The following SLC25A4 variants were observed in gnomAD, a reference collection of about 807,000 sequenced individuals.
SLC25A4 encodes the protein solute carrier family 25 member 4.
Under a neutral mutation model 24.7 loss-of-function variants are expected in SLC25A4, and 10 were observed. That is an observed-to-expected ratio of 0.41 (90% CI 0.25 to 0.69). SLC25A4 has a LOEUF of 0.69. Among genes scored for constraint, SLC25A4 ranks in the 30% least tolerant of loss-of-function variants. The pLI, the probability that SLC25A4 is intolerant of heterozygous loss-of-function variation, is 0.35. For missense variants in SLC25A4, 273 were observed against 387.6 expected, an observed-to-expected ratio of 0.70 and a Z score of 2.48; for synonymous variants, 125 against 153.3, an observed-to-expected ratio of 0.82 and a Z score of 1.36.
chr4:185,143,506 G>A, intron 1 of SLC25A4, 23 bp downstream of exon 1: 3 of 1,122,862 alleles, frequency 2.7e-6, no homozygotes, highest in Non-Finnish European at 3.4e-6. Context: ...CGGTGCAAGA[G>A]GCGGGCGCGG....
Position 185,144,980 on chromosome 4 carries a change from T to C in SLC25A4, c.328T>C (p.Trp110Arg). Residue 110 changes from tryptophan (W) to arginine (R), a missense_variant, in exon 2 of 4, where the codon TGG (tryptophan) becomes CGG (arginine). By Grantham distance (101) the Trp-to-Arg change is moderately radical. Transcript: ENST00000281456. Reference protein sequence around the residue: ...LGGVDRHKQFWRYFAGNLASG... With the variant: ...LGGVDRHKQFRRYFAGNLASG... ...GGGTGTGGATCGGCATAAGCAGTTC[T>C]GGCGCTACTTTGCTGGTAACCTGGC... is the stretch of plus-strand genomic sequence containing the variant. 1 of 1,612,804 alleles carries C rather than the reference T, an allele frequency of 6.2e-7. No homozygotes were observed. Among genetic ancestry groups the C allele is most frequent in the Non-Finnish European group, 8.5e-7 (1 of 1,179,538 alleles).
At chr4:185,146,125 T>C (rs1734438412) in intron 3 of SLC25A4, among the ~76,000 whole-genome samples, 1 of 152,088 alleles carries the variant, frequency 6.6e-6, no homozygotes, top group African/African-American at 2.4e-5. Context: ...AGTAAGACAT[T>C]TAGATGTGAA....
rs1212852810 is a variant in SLC25A4, at chr4:185,143,315, G to A, written c.-58G>A. 4 of 1,051,980 alleles carry A rather than the reference G, an allele frequency of 3.8e-6. No homozygotes were observed. Among genetic ancestry groups the A allele is most frequent in the Non-Finnish European group, 4.2e-6 (3 of 711,476 alleles). The allele number at this position is 1,051,980 out of a possible 1,614,324, so 65.2% of individuals were successfully genotyped here. On this transcript the variant is annotated 5_prime_UTR_variant, in exon 1 of 4. Transcript: ENST00000281456. ...GGGGACTGCGCGGCGGTGCCAGGCC[G>A]GGCGTGGGCGAGAGCACGAACGGGC...
chr4:185,146,022 GAAGA>G, intron 3 of SLC25A4, 123 bp downstream of exon 3: 1 of 1,176,110 alleles, frequency 8.5e-7, no homozygotes, highest in Non-Finnish European at 1.2e-6. Context: ...AGGACTTAGG[GAAGA>G]AAGATGGTAT....
rs147626367 is a variant in SLC25A4, at chr4:185,150,085, C to A, written c.*3114C>A. On this transcript the variant is annotated 3_prime_UTR_variant, in exon 4 of 4. Transcript: ENST00000281456. Reference sequence around the variant, plus strand: ...CCAAGGTGCAAGGCTGCAAGAGAATCGAGCGCCGCAAGGCGAGCTTATCTT... The same window carrying A: ...CCAAGGTGCAAGGCTGCAAGAGAATAGAGCGCCGCAAGGCGAGCTTATCTT... The A allele has an allele frequency of 0.02, 3,071 of 152,384 alleles. 52 individuals are homozygous for A. Among genetic ancestry groups the A allele is most frequent in the Non-Finnish European group, 0.029 (1,986 of 68,046 alleles). 9.4% of individuals were successfully genotyped at this position (152,384 alleles called of 1,614,324 possible). A position where few individuals can be genotyped will look rare whatever the true frequency, so the allele number is the denominator to read the frequency against.
At position 185,144,807 on chromosome 4, in the gene SLC25A4, A is replaced by G. The variant is rs1406233831; in HGVS notation, c.155A>G (p.Lys52Arg). Residue 52 changes from lysine to arginine, a missense_variant, in exon 2 of 4, where the codon AAA (lysine) becomes AGA (arginine). Transcript: ENST00000281456. ...CAGATCAGTGCTGAGAAGCAGTACA[A>G]AGGGATCATTGATTGTGTGGTGAGA... ...SKQISAEKQY[K>R]GIIDCVVRIP... is the part of the protein sequence containing the mutation. The G allele has an allele frequency of 1.4e-5, 22 of 1,614,014 alleles. No homozygotes were observed. Among genetic ancestry groups the G allele is most frequent in the Non-Finnish European group, 1.9e-5 (22 of 1,180,028 alleles).
rs1311347129 is a variant in SLC25A4 at position 185,149,656 on chromosome 4, A to G, written c.*2685A>G. ...TCATGCTGGAAGGTCTGGTTTACGT[A>G]AAAGTGACAAGTTGGAATTGAGCGT... On this transcript the variant is annotated 3_prime_UTR_variant, in exon 4 of 4. Transcript: ENST00000281456. 1 of 152,228 alleles carries G rather than the reference A, an allele frequency of 6.6e-6. No homozygotes were observed. The highest frequency in any genetic ancestry group is 2.4e-5 in the African/African-American group (1 of 41,442). The allele number at this position is 152,228 out of a possible 1,614,324, so 9.4% of individuals were successfully genotyped here.
chr4:185,144,872 A>G lies in SLC25A4; in HGVS notation c.220A>G (p.Asn74Asp). 2 of 1,614,200 alleles carry G rather than the reference A, an allele frequency of 1.2e-6. No individual in the cohort carries two copies. Among genetic ancestry groups the G allele is most frequent in the Non-Finnish European group, 1.7e-6 (2 of 1,180,036 alleles). ...GGGCTTCCTCTCCTTCTGGAGGGGT[A>G]ACCTGGCCAACGTGATCCGTTACTT... ...EQGFLSFWRG[N>D]LANVIRYFPT... Residue 74 changes from asparagine (N) to aspartate (D), a missense_variant, in exon 2 of 4, where the codon AAC becomes GAC. Coordinates refer to ENST00000281456, the MANE Select transcript of SLC25A4 (RefSeq NM_001151.4).
chr4:185,146,902 C>T lies in SLC25A4; in HGVS notation c.828C>T (p.Ser276=), dbSNP rs764941953. Residue 276 remains serine, a synonymous_variant, in exon 4 of 4, where the codon TCC becomes TCT. Transcript: ENST00000281456. ...AGGCCTTCTTCAAAGGTGCCTGGTC[C>T]AATGTGCTGAGAGGCATGGGCGGTG... is the stretch of plus-strand genomic sequence containing the variant. ...GAKAFFKGAW[S]NVLRGMGGAF... 2 of 1,614,070 alleles carry T rather than the reference C, an allele frequency of 1.2e-6. No individual in the cohort carries two copies. The highest frequency in any genetic ancestry group is 1.7e-6 in the Non-Finnish European group (2 of 1,180,012).
chr4:185,143,616 CCCGCCCGCCCG>C (rs1438942487), intron 1 of SLC25A4, 133 bp downstream of exon 1: 1 of 47,022 alleles, frequency 2.1e-5, no homozygotes, highest in East Asian at 2.0e-3. Flanking sequence ...CGCCCGCCCG[CCCGCCCGCCCG>C]CCCGCGGGGG....
intron 3 of SLC25A4, 67 bp from the exon 4 acceptor site, chr4:185,146,747 T>TA: frequency 6.3e-7 from 1 of 1,578,548 alleles, no homozygotes; most frequent in Non-Finnish European, 8.7e-7. Context: ...TGTGTACAGA[T>TA]ATGTTTCAGG....
chr4:185,148,743 C>T lies in SLC25A4; in HGVS notation c.*1772C>T, dbSNP rs548570468. The T allele has an allele frequency of 1.8e-4, 28 of 152,218 alleles. 1 individual carries two copies. Among genetic ancestry groups the T allele is most frequent in the African/African-American group, 6.5e-4 (27 of 41,534 alleles). 9.4% of individuals were successfully genotyped at this position (152,218 alleles called of 1,614,324 possible). On this transcript the variant is annotated 3_prime_UTR_variant, in exon 4 of 4. Coordinates refer to ENST00000281456, the MANE Select transcript of SLC25A4 (RefSeq NM_001151.4). The stretch of plus-strand genomic sequence containing the variant: ...AGTTCACACTTGGACCAGGAAAAGA[C>T]CAAGCAGTTGCTATAGTCTCCTGGA...
Position 185,145,960 on chromosome 4 carries a change from GGGCT to G in SLC25A4, c.739+62_739+65del. ...TTTTGCCCGAGGAGAACATTTTACA[GGGCT>G]CCTTTCAGTCTTCCTTACTGGAAAT... On this transcript the variant is annotated intron_variant, in intron 3 of 3. Transcript: ENST00000281456. The surrounding 1 kb of genome is among the most constrained non-coding windows in gnomAD (Gnocchi z 5.5). The G allele has an allele frequency of 6.3e-7, 1 of 1,591,590 alleles. No individual in the cohort carries two copies. The highest frequency in any genetic ancestry group is 1.7e-5 in the Admixed American group (1 of 58,722).
chr4:185,145,830 G>T lies in SLC25A4; in HGVS notation c.670G>T (p.Ala224Ser), dbSNP rs748031233. ...GATTGCCCAGAGTGTGACGGCAGTC[G>T]CAGGGCTGGTGTCCTACCCCTTTGA... ...WMIAQSVTAV[A>S]GLVSYPFDTV... Residue 224 changes from alanine (A) to serine (S), a missense_variant, in exon 3 of 4, where the codon GCA becomes TCA. Coordinates refer to ENST00000281456, the MANE Select transcript of SLC25A4 (RefSeq NM_001151.4). The surrounding 1 kb of genome is among the most constrained non-coding windows in gnomAD (Gnocchi z 5.5). 5.6e-6 allele frequency: 9 copies of T among 1,614,042 alleles called. No individual in the cohort carries two copies. The African/African-American group carries it at 1.2e-4, about 22-fold the overall frequency.
In SLC25A4 at chr4:185,145,107, G is replaced by GT; in HGVS notation, c.456dup (p.Glu153Ter). The GT allele has an allele frequency of 6.2e-7, 1 of 1,612,884 alleles. No homozygotes were observed. The highest frequency in any genetic ancestry group is 1.7e-5 in the Admixed American group (1 of 59,932). The stretch of plus-strand genomic sequence containing the variant: ...GATGTGGGCAAGGGCGCCGCCCAGC[G>GT]TGAGTTCCATGGTCTGGGCGACTGT... On this transcript the variant is annotated frameshift_variant, in exon 2 of 4. Transcript: ENST00000281456. LOFTEE classifies it high-confidence loss of function. This position sits in a 1 kb window ranked among gnomAD's most constrained non-coding sequence, Gnocchi z 5.5.
In SLC25A4 at chr4:185,145,774, C is replaced by G. The variant is rs376071284; in HGVS notation, c.614C>G (p.Pro205Arg). 8.9e-5 allele frequency: 143 copies of G among 1,614,096 alleles called. 1 individual carries two copies. Among genetic ancestry groups the G allele is most frequent in the Non-Finnish European group, 1.2e-4 (139 of 1,180,050 alleles). The change falls in exon 3 of 4, where the codon CCC becomes CGC. Residue 205 changes from proline (P) to arginine (R), a missense_variant. Pro to Arg is a moderately radical substitution (Grantham distance 103). Coordinates refer to ENST00000281456, the MANE Select transcript of SLC25A4 (RefSeq NM_001151.4). This position sits in a 1 kb window ranked among gnomAD's most constrained non-coding sequence, Gnocchi z 5.5. ...CTGTCCACAGGGATGCTGCCTGACC[C>G]CAAGAACGTGCACATTTTTGTGAGC... ...YDTAKGMLPD[P>R]KNVHIFVSWM...
At position 185,149,280 on chromosome 4, in the gene SLC25A4, CAATG is replaced by C. The variant is rs956971185; in HGVS notation, c.*2316_*2319del. 14 of 152,258 alleles carry C rather than the reference CAATG, an allele frequency of 9.2e-5. No homozygotes were observed. The highest frequency in any genetic ancestry group is 1.2e-4 in the African/African-American group (5 of 41,466). The allele number at this position is 152,258 out of a possible 1,614,324, so 9.4% of individuals were successfully genotyped here. A position where few individuals can be genotyped will look rare whatever the true frequency, so the allele number is the denominator to read the frequency against. ...AGTTTAGGAGGAGGAAGACCTGATA[CAATG>C]AATGAACAGTGCGTCCTCCCAACCC... On this transcript the variant is annotated 3_prime_UTR_variant, in exon 4 of 4. Transcript: ENST00000281456.
intron 3 of SLC25A4, 80 bp from the exon 4 acceptor site, chr4:185,146,732 AAC>A: frequency 6.6e-7 from 1 of 1,519,262 alleles, no homozygotes; most frequent in Non-Finnish European, 9.1e-7. Context: ...TAAAACTGGT[AAC>A]AGTGTGTACA....
Position 185,147,180 on chromosome 4 carries a change from A to G in SLC25A4, c.*209A>G. The G allele has an allele frequency of 3.7e-6, 2 of 536,628 alleles. No individual in the cohort carries two copies. Among genetic ancestry groups the G allele is most frequent in the Non-Finnish European group, 6.6e-6 (2 of 302,452 alleles). The allele number at this position is 536,628 out of a possible 1,614,324, so 33.2% of individuals were successfully genotyped here. A position where few individuals can be genotyped will look rare whatever the true frequency, so the allele number is the denominator to read the frequency against. ...ATTTATTTTACATTTAAATTCCCACAGCAAATAGAAAATAATTTATCATAC... is the reference window on the plus strand; with the variant it reads ...ATTTATTTTACATTTAAATTCCCACGGCAAATAGAAAATAATTTATCATAC... On this transcript the variant is annotated 3_prime_UTR_variant, in exon 4 of 4. Transcript: ENST00000281456.
Sources: gnomAD v4.1 joint callset for allele counts (sites outside exome capture counted in the v4.1 genomes callset) on GRCh38, gnomAD v4.1.1 for gene constraint, Gnocchi (gnomAD v3.1) non-coding constraint, MANE v1.5 for transcripts, NCBI Gene and HGNC (gene_info 2026-07-23, HGNC 2026-07-21) for gene names.